The following ADCY8 variants were observed in gnomAD, a reference collection of about 807,000 sequenced individuals.
ADCY8 encodes the protein adenylate cyclase type 8.
A neutral mutation model predicts 119.7 loss-of-function variants in ADCY8; 51 were observed. The ratio of observed to expected loss-of-function variants is 0.43; its 90% CI spans 0.34 to 0.54. The LOEUF (loss-of-function observed/expected upper bound fraction) is 0.54, where lower values mean the gene tolerates loss of function less well. Among genes scored for constraint, ADCY8 ranks in the 20% least tolerant of loss-of-function variants. ADCY8 has a pLI of 0.03. For missense variants in ADCY8, 1,383 were observed against 1,598.8 expected (o/e 0.87, Z 2.30); for synonymous variants, 665 against 651.0 (o/e 1.02, Z -0.33).
chr8:130,807,313 C>T (rs1815995950), intron 14 of ADCY8, among the ~76,000 whole-genome samples: 1 of 152,208 alleles, frequency 6.6e-6, no homozygotes, highest in Non-Finnish European at 1.5e-5. Flanking sequence ...AGCATCCTTT[C>T]ATGTCATTCA....
intron 5 of ADCY8, among the ~76,000 whole-genome samples, chr8:130,916,890 T>C (rs1820146500): frequency 6.6e-6 from 1 of 152,218 alleles, no homozygotes; most frequent in Non-Finnish European, 1.5e-5. Flanking sequence ...AGACTCCTGA[T>C]TTCCCACTTC....
intron 4 of ADCY8, 27 bp from the exon 5 acceptor site, chr8:130,937,227 G>A: frequency 1.2e-6 from 2 of 1,606,134 alleles, no homozygotes; most frequent in East Asian, 2.2e-5. Context: ...AAGAGGGAAA[G>A]GTCTATGTCA....
chr8:131,034,052 C>A (rs1824074835), intron 1 of ADCY8, among the ~76,000 whole-genome samples: 1 of 151,840 alleles, frequency 6.6e-6, no homozygotes, highest in African/African-American at 2.4e-5. Flanking sequence ...GAAATGCACA[C>A]CATAACTAGT....
At chr8:130,992,555 C>G (rs993034073) in intron 1 of ADCY8, among the ~76,000 whole-genome samples, 8 of 151,606 alleles carry the variant, frequency 5.3e-5, no homozygotes, top group South Asian at 2.1e-4. Flanking sequence ...GCTGGGATTA[C>G]AGGTGTTTAC....
intron 12 of ADCY8, among the ~76,000 whole-genome samples, chr8:130,828,204 C>T (rs962144022): frequency 2.6e-5 from 4 of 152,200 alleles, no homozygotes; most frequent in African/African-American, 9.6e-5. Context: ...GTCTCCTATC[C>T]TCTCTGTGTA....
At chr8:130,876,468 C>T (rs563556262) in intron 8 of ADCY8, among the ~76,000 whole-genome samples, 1 of 133,700 alleles carries the variant, frequency 7.5e-6, no homozygotes, top group East Asian at 2.8e-4. Flanking sequence ...CACAGTTCAA[C>T]GGTGGTTCGA....
intron 2 of ADCY8, among the ~76,000 whole-genome samples, chr8:130,968,842 A>G (rs1382700132): frequency 6.6e-6 from 1 of 152,186 alleles, no homozygotes; most frequent in Non-Finnish European, 1.5e-5. Flanking sequence ...TAAAGAACAC[A>G]TTTGCAAGCC....
intron 5 of ADCY8, among the ~76,000 whole-genome samples, chr8:130,910,811 G>C (rs1819958636): frequency 6.6e-6 from 1 of 152,222 alleles, no homozygotes; most frequent in South Asian, 2.1e-4. Context: ...ATGATTTCCT[G>C]TAGTCATGAG....
At chr8:130,849,296 C>T (rs1377722263) in intron 10 of ADCY8, among the ~76,000 whole-genome samples, 1 of 152,184 alleles carries the variant, frequency 6.6e-6, no homozygotes. Context: ...GGTACTGGTA[C>T]TTGATACATG....
chr8:130,882,398 T>C (rs926379456), intron 8 of ADCY8, among the ~76,000 whole-genome samples: 1 of 152,156 alleles, frequency 6.6e-6, no homozygotes, highest in Admixed American at 6.5e-5. Context: ...CTAGAACCCT[T>C]TCCTACTTAG....
At chr8:131,004,228 C>T (rs780380419) in intron 1 of ADCY8, among the ~76,000 whole-genome samples, 7 of 152,140 alleles carry the variant, frequency 4.6e-5, no homozygotes, top group Non-Finnish European at 7.4e-5. Flanking sequence ...GCATTTGCAG[C>T]AAGCCTGAAC....
intron 1 of ADCY8, among the ~76,000 whole-genome samples, chr8:130,996,046 T>G (rs1822762919): frequency 6.6e-6 from 1 of 152,142 alleles, no homozygotes; most frequent in Non-Finnish European, 1.5e-5. Context: ...CCAGTAATTA[T>G]CATTTATAAA....
At position 131,019,829 on chromosome 8, in the gene ADCY8, C is replaced by G. The variant is rs867461729; in HGVS notation, c.960+19545G>C. Among the ~76,000 whole-genome samples the G allele has an allele frequency of 3.1e-3, 374 of 119,182 alleles. 5 individuals carry two copies. Among genetic ancestry groups the G allele is most frequent in the African/African-American group, 6.1e-3 (176 of 28,790 alleles). 78.2% of individuals were successfully genotyped at this position (119,182 alleles called of 152,430 possible). A position where few individuals can be genotyped will look rare whatever the true frequency, so the allele number is the denominator to read the frequency against. On this transcript the variant is annotated intron_variant, in intron 1 of 17. Coordinates refer to ENST00000286355, the MANE Select transcript of ADCY8 (RefSeq NM_001115.3). ...TCTCTCTCTCTCTCTCTCTCTCTCT[C>G]TCTCTCTCTGTCTGTCTCTCTCTCT...
chr8:130,943,497 G>GGGGGGGGGGGCCCCC, intron 3 of ADCY8, 35 bp from the exon 4 acceptor site: 2 of 491,354 alleles, frequency 4.1e-6, no homozygotes, highest in East Asian at 5.4e-5. Flanking sequence ...GTGGGGGGAG[G>GGGGGGGGGGGCCCCC]AAGTATATTA....
At position 130,884,744 on chromosome 8, in the gene ADCY8, T is replaced by G. The variant is rs1306673061; in HGVS notation, c.1929A>C (p.Thr643=). 1 of 1,613,860 alleles carries G rather than the reference T, an allele frequency of 6.2e-7. No individual in the cohort carries two copies. Among genetic ancestry groups the G allele is most frequent in the East Asian group, 2.2e-5 (1 of 44,870 alleles). Reference sequence around the variant, plus strand: ...TTGGAAGCAGATTTATTGAATTTCTTGTTAGGGCAGCCAGAGTCTAGGGGG... The same window carrying G: ...TTGGAAGCAGATTTATTGAATTTCTGGTTAGGGCAGCCAGAGTCTAGGGGG... ...VGKQNTLAAL[T]RNSINLLPNH... is the part of the protein sequence containing the mutation. Residue 643 remains threonine, a synonymous_variant, in exon 8 of 18, where the codon ACA becomes ACC. Transcript: ENST00000286355.
chr8:130,941,447 C>T (rs1173942682), intron 4 of ADCY8, among the ~76,000 whole-genome samples: 1 of 152,082 alleles, frequency 6.6e-6, no homozygotes, highest in Non-Finnish European at 1.5e-5. Context: ...TGCCAATGGC[C>T]TTTGGATGGC....
chr8:130,891,517 C>T (rs1586539770), intron 7 of ADCY8, among the ~76,000 whole-genome samples: 1 of 152,076 alleles, frequency 6.6e-6, no homozygotes, highest in Admixed American at 6.6e-5. Context: ...TTAATATACC[C>T]ATCATCTTAA....
intron 14 of ADCY8, among the ~76,000 whole-genome samples, chr8:130,813,104 C>T (rs145875992): frequency 0.16 from 23,873 of 151,976 alleles, 2,212 homozygotes; most frequent in African/African-American, 0.25. Context: ...CCTGCCCCCA[C>T]GCTTGGCTAA....
At chr8:130,931,424 TA>T in intron 5 of ADCY8, among the ~76,000 whole-genome samples, 1 of 152,290 alleles carries the variant, frequency 6.6e-6, no homozygotes, top group South Asian at 2.1e-4. Context: ...TGGCTATTCT[TA>T]TTTGGGTTGA....
Sources: allele counts gnomAD v4.1 joint callset (sites outside exome capture counted in the v4.1 genomes callset), GRCh38; gene constraint gnomAD v4.1.1; transcripts MANE v1.5; gene names NCBI Gene and HGNC (gene_info 2026-07-23, HGNC 2026-07-21).